Variants in GABRA6 observed in about 807,000 individuals in gnomAD.
GABRA6 encodes the protein gamma-aminobutyric acid type A receptor subunit alpha6.
Under a neutral mutation model 47.3 loss-of-function variants are expected in GABRA6, and 45 were observed. That is an observed-to-expected ratio of 0.95 (90% CI 0.75 to 1.22). GABRA6 has a LOEUF of 1.22. Ranked by LOEUF, GABRA6 falls within the 50% of genes most tolerant of loss-of-function variation. GABRA6 has a pLI of 0.00. For missense variants in GABRA6, 583 were observed against 549.3 expected (o/e 1.06, Z -0.61); for synonymous variants, 219 against 194.7 (o/e 1.12, Z -1.04).
Position 161,689,680 on chromosome 5 carries a change from C to T in GABRA6, c.574C>T (p.Pro192Ser). 1 of 1,610,474 alleles carries T rather than the reference C, an allele frequency of 6.2e-7. No homozygotes were observed. The highest frequency in any genetic ancestry group is 8.5e-7 in the Non-Finnish European group (1 of 1,176,844). ...SEIIYTWKKG[P>S]LYSVEVPEES... ...AATCATATATACGTGGAAAAAAGGACCACTTTACTCAGTAGAAGTCCCAGA... is the reference window on the plus strand; with the variant it reads ...AATCATATATACGTGGAAAAAAGGATCACTTTACTCAGTAGAAGTCCCAGA... Residue 192 changes from proline (P) to serine (S), a missense_variant, in exon 6 of 9, where the codon CCA (proline) becomes TCA (serine). Transcript: ENST00000274545.
intron 3 of GABRA6, among the ~76,000 whole-genome samples, chr5:161,688,080 C>T (rs1017447101): frequency 1.3e-5 from 2 of 152,042 alleles, no homozygotes; most frequent in East Asian, 3.9e-4. Flanking sequence ...AGTGTTCTAT[C>T]TTATGCTTGT....
rs147064708 is a variant in GABRA6, at chr5:161,689,754, T to G, written c.648T>G (p.Ser216=). 3.7e-6 allele frequency: 6 copies of G among 1,613,292 alleles called. No homozygotes were observed. The African/African-American group carries it at 8.0e-5, about 22-fold the overall frequency. ...ATGATCTGATTGGACAAACAGTATC[T>G]AGTGAGACAATTAAATCTAACACAG... The part of the protein sequence containing the change: ...LQYDLIGQTV[S]SETIKSNTGE... The change falls in exon 6 of 9, where the codon TCT becomes TCG. Residue 216 remains serine (S), a synonymous_variant. Coordinates refer to ENST00000274545, the MANE Select transcript of GABRA6 (RefSeq NM_000811.3).
chr5:161,701,151 G>A (rs190744318), intron 8 of GABRA6, among the ~76,000 whole-genome samples: 2 of 152,236 alleles, frequency 1.3e-5, no homozygotes, highest in Admixed American at 1.3e-4. Context: ...TTGCCCTACA[G>A]ACTAATGCAC....
intron 3 of GABRA6, 44 bp downstream of exon 3, chr5:161,687,047 G>A (rs200722601): frequency 5.3e-6 from 8 of 1,521,362 alleles, no homozygotes; most frequent in Non-Finnish European, 7.3e-6. Context: ...TTTCGGGGAG[G>A]AGAGTGGAGT....
intron 8 of GABRA6, among the ~76,000 whole-genome samples, chr5:161,695,277 G>T (rs184260249): frequency 6.6e-6 from 1 of 152,024 alleles, no homozygotes; most frequent in African/African-American, 2.4e-5. Context: ...ACCCAAAAAG[G>T]CACCTTAAAG....
In GABRA6 at chr5:161,690,244, G is replaced by T. The variant is rs1301129533; in HGVS notation, c.717G>T (p.Lys239Asn). ...CAGTTTACTTCCACTTGCAAAGGAA[G>T]ATGGGCTACTTCATGATACAGATAT... Reference protein sequence around the residue: ...IMTVYFHLQRKMGYFMIQIYT... With the variant: ...IMTVYFHLQRNMGYFMIQIYT... Residue 239 changes from lysine (K) to asparagine (N), a missense_variant, in exon 7 of 9, where the codon AAG (lysine) becomes AAT (asparagine). Coordinates refer to ENST00000274545, the MANE Select transcript of GABRA6 (RefSeq NM_000811.3). 2.5e-6 allele frequency: 4 copies of T among 1,613,632 alleles called. No individual in the cohort carries two copies. Among genetic ancestry groups the T allele is most frequent in the African/African-American group, 1.3e-5 (1 of 74,912 alleles).
At position 161,691,925 on chromosome 5, in the gene GABRA6, T is replaced by C; in HGVS notation, c.827-16T>C. On this transcript the variant is annotated splice_polypyrimidine_tract_variant and intron_variant, in intron 7 of 8. Coordinates refer to ENST00000274545, the MANE Select transcript of GABRA6 (RefSeq NM_000811.3). ...CCCAGTACTAATATTACAATTCCTA[T>C]TCTTTTTTATTTTAGGGATCACCAC... 4 of 1,610,560 alleles carry C rather than the reference T, an allele frequency of 2.5e-6. No homozygotes were observed. The highest frequency in any genetic ancestry group is 3.4e-6 in the Non-Finnish European group (4 of 1,176,988).
intron 8 of GABRA6, among the ~76,000 whole-genome samples, chr5:161,698,702 G>A (rs1754925764): frequency 1.3e-5 from 2 of 152,034 alleles, no homozygotes; most frequent in African/African-American, 4.8e-5. Flanking sequence ...ATAGCACCTA[G>A]GAGGTGTTTA....
chr5:161,687,913 G>C (rs928994483), intron 3 of GABRA6, among the ~76,000 whole-genome samples: 1 of 151,540 alleles, frequency 6.6e-6, no homozygotes, highest in Non-Finnish European at 1.5e-5. Context: ...CTTTATTCAA[G>C]AGATAATTAT....
chr5:161,701,609 A>G lies in GABRA6; in HGVS notation c.1198A>G (p.Thr400Ala), dbSNP rs752830433. Residue 400 changes from threonine (T) to alanine (A), a missense_variant, in exon 9 of 9, where the codon ACA becomes GCA. By Grantham distance (58) the Thr-to-Ala change is moderately conservative. Transcript: ENST00000274545. ...CACGAGAGCGCCCATCTTACAATCAACACCTGTCACACCCCCACCACTCTC... is the reference window on the plus strand; with the variant it reads ...CACGAGAGCGCCCATCTTACAATCAGCACCTGTCACACCCCCACCACTCTC... ...VLTRAPILQS[T>A]PVTPPPLSPA... is the part of the protein sequence containing the mutation. 2 of 1,613,992 alleles carry G rather than the reference A, an allele frequency of 1.2e-6. No homozygotes were observed. The highest frequency in any genetic ancestry group is 2.7e-5 in the African/African-American group (2 of 74,900).
chr5:161,693,325 G>T (rs1033609597), intron 8 of GABRA6, among the ~76,000 whole-genome samples: 7 of 151,914 alleles, frequency 4.6e-5, no homozygotes, highest in African/African-American at 1.5e-4. Flanking sequence ...GAAATGAGAG[G>T]CATCCCCATA....
At position 161,701,810 on chromosome 5, in the gene GABRA6, G is replaced by A. The variant is rs373995279; in HGVS notation, c.*37G>A. 9 of 1,606,942 alleles carry A rather than the reference G, an allele frequency of 5.6e-6. No individual in the cohort carries two copies. Among genetic ancestry groups the A allele is most frequent in the Middle Eastern group, 1.6e-4 (1 of 6,070 alleles). The stretch of plus-strand genomic sequence containing the variant: ...GACAACCTGAATTCTATAAGTTCTT[G>A]TTTTCTGTTTCCTATGTTTTCTTAA... On this transcript the variant is annotated 3_prime_UTR_variant, in exon 9 of 9. Transcript: ENST00000274545.
In GABRA6 at chr5:161,701,634, C is replaced by CA; in HGVS notation, c.1223_1224insA (p.Pro409AlafsTer8). On this transcript the variant is annotated frameshift_variant, in exon 9 of 9. Transcript: ENST00000274545. LOFTEE classifies it high-confidence loss of function. ...ACACCTGTCACACCCCCACCACTCT[C>CA]GCCAGCCTTTGGAGGCACCAGTAAA... The CA allele has an allele frequency of 6.2e-7, 1 of 1,614,202 alleles. No homozygotes were observed. Among genetic ancestry groups the CA allele is most frequent in the Middle Eastern group, 1.6e-4 (1 of 6,062 alleles).
In GABRA6 at chr5:161,686,022, T is replaced by C. The variant is rs1416753571; in HGVS notation, c.33T>C (p.Ile11=). 1 of 1,613,860 alleles carries C rather than the reference T, an allele frequency of 6.2e-7. No individual in the cohort carries two copies. Residue 11 remains isoleucine (I), a synonymous_variant, in exon 1 of 9, where the codon ATT becomes ATC. Coordinates refer to ENST00000274545, the MANE Select transcript of GABRA6 (RefSeq NM_000811.3). The stretch of plus-strand genomic sequence containing the variant: ...CGTCTCTGCCCTGGCTGTGCATTAT[T>C]CTGTGGTGAGTAAGATCCTTTTTCC... MASSLPWLCI[I]LWLENALGKL... is the part of the protein sequence containing the mutation.
intron 1 of GABRA6, 66 bp downstream of exon 1, chr5:161,686,093 T>G (rs774275315): frequency 1.7e-5 from 25 of 1,487,132 alleles, no homozygotes; most frequent in Non-Finnish European, 2.1e-5. Context: ...ATACATCCAT[T>G]GGGTGACTCC....
intron 8 of GABRA6, among the ~76,000 whole-genome samples, chr5:161,697,659 C>G (rs1252668696): frequency 6.6e-6 from 1 of 152,120 alleles, no homozygotes; most frequent in Admixed American, 6.6e-5. Flanking sequence ...GGATGCTGCT[C>G]TACATCCCAG....
At position 161,689,782 on chromosome 5, in the gene GABRA6, A is replaced by C; in HGVS notation, c.673+3A>C. 2 of 1,611,934 alleles carry C rather than the reference A, an allele frequency of 1.2e-6. No individual in the cohort carries two copies. The highest frequency in any genetic ancestry group is 1.7e-6 in the Non-Finnish European group (2 of 1,178,118). On this transcript the variant is annotated splice_donor_region_variant and intron_variant, in intron 6 of 8. Coordinates refer to ENST00000274545, the MANE Select transcript of GABRA6 (RefSeq NM_000811.3). ...TGAGACAATTAAATCTAACACAGGT[A>C]AGAATTTGACCAAAGGATGGAAATA...
chr5:161,699,913 G>C (rs968199385), intron 8 of GABRA6, among the ~76,000 whole-genome samples: 1 of 152,304 alleles, frequency 6.6e-6, no homozygotes, highest in African/African-American at 2.4e-5. Context: ...TAATAAGAAA[G>C]ATAGCCCTTG....
chr5:161,702,573 A>G lies in GABRA6; in HGVS notation c.*800A>G, dbSNP rs192662462. On this transcript the variant is annotated 3_prime_UTR_variant, in exon 9 of 9. Transcript: ENST00000274545. ...TCCACATTTCCAATTATAACACTAAATAAAACAACAATAAACATGGTTCTC... is the reference window on the plus strand; with the variant it reads ...TCCACATTTCCAATTATAACACTAAGTAAAACAACAATAAACATGGTTCTC... The G allele has an allele frequency of 6.6e-6, 1 of 152,294 alleles. No individual in the cohort carries two copies. The highest frequency in any genetic ancestry group is 2.4e-5 in the African/African-American group (1 of 41,554). The allele number at this position is 152,294 out of a possible 1,614,324, so 9.4% of individuals were successfully genotyped here.
Sources: allele counts gnomAD v4.1 joint callset (sites outside exome capture counted in the v4.1 genomes callset), GRCh38; gene constraint gnomAD v4.1.1; transcripts MANE v1.5; gene names NCBI Gene and HGNC (gene_info 2026-07-23, HGNC 2026-07-21).